Variants in PHF14 observed in about 807,000 individuals in gnomAD.
PHF14 encodes PHD finger protein 14.
In PHF14, 55 loss-of-function variants were observed where a neutral mutation model predicts 117.9. The ratio of observed to expected loss-of-function variants is 0.47; its 90% confidence interval spans 0.38 to 0.58. PHF14 has a LOEUF of 0.58. PHF14 is among the 20% of genes least tolerant of loss of function. The pLI, the probability that PHF14 is intolerant of heterozygous loss-of-function variation, is 0.00. For missense variants in PHF14, 978 were observed against 1,122.2 expected (o/e 0.87, Z 1.84); for synonymous variants, 409 against 368.6 (o/e 1.11, Z -1.26).
intron 17 of PHF14, among the ~76,000 whole-genome samples, chr7:11,166,116 A>AT (rs1789195794): frequency 1.3e-5 from 2 of 152,146 alleles, no homozygotes; most frequent in African/African-American, 4.8e-5. Context: ...TAGTCAGTGT[A>AT]TTTTTTTAGA....
At chr7:10,998,432 A>T (rs1470312765) in intron 4 of PHF14, among the ~76,000 whole-genome samples, 4 of 152,184 alleles carry the variant, frequency 2.6e-5, no homozygotes, top group South Asian at 2.1e-4. Context: ...ATGTATACAC[A>T]CACAGACACA....
At chr7:10,988,318 A>G (rs1481075886) in intron 3 of PHF14, among the ~76,000 whole-genome samples, 1 of 152,138 alleles carries the variant, frequency 6.6e-6, no homozygotes, top group Non-Finnish European at 1.5e-5. Flanking sequence ...GGTTTTTCTG[A>G]GCAAAATGGA....
intron 4 of PHF14, among the ~76,000 whole-genome samples, chr7:11,007,543 T>C (rs1783166361): frequency 6.6e-6 from 1 of 152,170 alleles, no homozygotes. Flanking sequence ...GAGTCTTTTG[T>C]TTTTAAATAT....
intron 12 of PHF14, among the ~76,000 whole-genome samples, chr7:11,041,687 C>T (rs114750830): frequency 1.3e-5 from 2 of 151,794 alleles, no homozygotes; most frequent in African/African-American, 4.8e-5. Context: ...TTAGCACATT[C>T]TCAGGCCAGC....
chr7:11,121,459 C>A (rs56096263), intron 17 of PHF14, among the ~76,000 whole-genome samples: 2,152 of 152,256 alleles, frequency 0.014, 44 homozygotes, highest in African/African-American at 0.049. Flanking sequence ...AGCCTCCCCC[C>A]ACTGCCTACT....
Position 11,048,868 on chromosome 7 carries a change from A to T in PHF14, c.2313-2744A>T, listed in dbSNP as rs75443787. On this transcript the variant is annotated intron_variant, in intron 13 of 17. Coordinates refer to ENST00000634607, the MANE Select transcript of PHF14 (RefSeq NM_001007157.2). ...ATGGATATATTCTGCATTGGCAGTT[A>T]CATTTGTTTTGATTTTTTGAGTTGT... is the stretch of plus-strand genomic sequence containing the variant. Among the ~76,000 whole-genome samples, 747 of 147,496 alleles carry T rather than the reference A, an allele frequency of 5.1e-3. 4 individuals are homozygous for T. The highest frequency in any genetic ancestry group is 7.0e-3 in the Non-Finnish European group (470 of 66,952).
In PHF14 at chr7:10,974,861, G is replaced by A; in HGVS notation, c.28G>A (p.Val10Met). The A allele has an allele frequency of 6.3e-7, 1 of 1,590,326 alleles. No individual in the cohort carries two copies. The highest frequency in any genetic ancestry group is 8.6e-7 in the Non-Finnish European group (1 of 1,166,922). MDRSSKRRQ[V>M]KPLAASLLEA... ...GGATCGCAGCTCCAAGAGGAGGCAGGTGAAGCCTTTGGCAGCTTCTCTGCT... is the reference window on the plus strand; with the variant it reads ...GGATCGCAGCTCCAAGAGGAGGCAGATGAAGCCTTTGGCAGCTTCTCTGCT... The change falls in exon 2 of 18, where the codon GTG (valine) becomes ATG (methionine). Residue 10 changes from valine (V) to methionine (M), a missense_variant. By Grantham distance (21) the Val-to-Met change is conservative (BLOSUM62 1). This residue lies in a region of PHF14 where 414 missense variants were observed against 376.4 expected (regional missense o/e 1.10). Transcript: ENST00000634607.
At chr7:11,064,930 C>G (rs1220642511) in intron 16 of PHF14, among the ~76,000 whole-genome samples, 1 of 151,824 alleles carries the variant, frequency 6.6e-6, no homozygotes, top group African/African-American at 2.4e-5. Flanking sequence ...AATGTTAGAA[C>G]AGTAGTATTA....
chr7:11,045,091 A>G (rs569352879), intron 13 of PHF14, among the ~76,000 whole-genome samples: 2 of 152,274 alleles, frequency 1.3e-5, no homozygotes, highest in South Asian at 4.1e-4. Context: ...TGCCATGTTG[A>G]TAATTTGAAA....
At chr7:11,111,494 G>C in intron 17 of PHF14, 27 bp downstream of exon 17, 9 of 1,142,102 alleles carry the variant, frequency 7.9e-6, no homozygotes, top group Non-Finnish European at 1.0e-5. Context: ...ATAAGAAAAG[G>C]TATTGGTGTC....
At chr7:11,067,414 C>T (rs1394653705) in intron 16 of PHF14, among the ~76,000 whole-genome samples, 2 of 151,996 alleles carry the variant, frequency 1.3e-5, no homozygotes, top group East Asian at 1.9e-4. Context: ...TATTTTAATT[C>T]CTCAAAAAAT....
chr7:11,105,175 C>T, intron 16 of PHF14: 2 of 968,804 alleles, frequency 2.1e-6, no homozygotes, highest in Non-Finnish European at 2.5e-6. Flanking sequence ...AACATGAAAA[C>T]AAAATTTAGC....
In PHF14 at chr7:10,974,028, A is replaced by T. The variant is rs1350907813; in HGVS notation, c.-296A>T. The T allele has an allele frequency of 2.6e-6, 1 of 380,042 alleles. No individual in the cohort carries two copies. Among genetic ancestry groups the T allele is most frequent in the African/African-American group, 2.1e-5 (1 of 47,886 alleles). 23.5% of individuals were successfully genotyped at this position (380,042 alleles called of 1,614,324 possible). On this transcript the variant is annotated 5_prime_UTR_variant, in exon 1 of 18. Transcript: ENST00000634607. ...TTTTCTTCTAGTTTTAACGGGAGAA[A>T]TTAACTCCCCGGGGCCGCCGGGTTG...
intron 14 of PHF14, among the ~76,000 whole-genome samples, chr7:11,056,948 C>T (rs1785041610): frequency 6.6e-6 from 1 of 151,806 alleles, no homozygotes; most frequent in Admixed American, 6.6e-5. Context: ...CAAAGTTTGA[C>T]TTAATTGTCC....
chr7:11,110,469 C>G (rs1270955697), intron 16 of PHF14: 3 of 830,462 alleles, frequency 3.6e-6, no homozygotes, highest in Non-Finnish European at 4.4e-6. Context: ...CCAACTGATG[C>G]AAAATTCTTT....
chr7:11,001,620 T>C (rs1782879788), intron 4 of PHF14, among the ~76,000 whole-genome samples: 1 of 152,234 alleles, frequency 6.6e-6, no homozygotes, highest in Non-Finnish European at 1.5e-5. Context: ...ATTTTATTTT[T>C]TGGGGGGTGC....
At chr7:11,063,062 T>G (rs1201797890) in intron 16 of PHF14, 2 of 835,752 alleles carry the variant, frequency 2.4e-6, no homozygotes, top group African/African-American at 1.8e-5. Flanking sequence ...TCTATTTTGG[T>G]CATTAAAATA....
chr7:11,132,811 A>G (rs1788124399), intron 17 of PHF14, among the ~76,000 whole-genome samples: 1 of 151,800 alleles, frequency 6.6e-6, no homozygotes, highest in Non-Finnish European at 1.5e-5. Context: ...TGAGTATGAG[A>G]TGGTATCTCA....
At chr7:11,077,786 A>G (rs1160785679) in intron 16 of PHF14, among the ~76,000 whole-genome samples, 1 of 152,098 alleles carries the variant, frequency 6.6e-6, no homozygotes, top group African/African-American at 2.4e-5. Flanking sequence ...GAGTGGAGCA[A>G]TACAAGGTAA....
Sources: allele counts gnomAD v4.1 joint callset (sites outside exome capture counted in the v4.1 genomes callset), GRCh38; gene constraint gnomAD v4.1.1; regional missense constraint gnomAD v4.1.1; transcripts MANE v1.5; gene names NCBI Gene and HGNC (gene_info 2026-07-23, HGNC 2026-07-21).